CNTLN: variants seen among roughly 807,000 people sequenced by gnomAD.
The protein encoded by CNTLN is centlein, centrosomal protein.
A neutral mutation model predicts 180.0 loss-of-function variants in CNTLN; 212 were observed. The ratio of observed to expected loss-of-function variants is 1.18; its 90% confidence interval spans 1.05 to 1.32. CNTLN has a LOEUF of 1.32. Ranked by LOEUF, CNTLN falls within the 40% of genes most tolerant of loss-of-function variation. CNTLN has a pLI of 0.00. For synonymous variants in CNTLN, 722 were observed against 563.1 expected (o/e 1.28, Z -3.99); for missense variants, 2,095 against 1,610.9 (o/e 1.30, Z -5.14).
At position 17,466,908 on chromosome 9, in the gene CNTLN, GT is replaced by G; in HGVS notation, c.3855+20del. The G allele has an allele frequency of 6.3e-7, 1 of 1,594,870 alleles. No individual in the cohort carries two copies. Among genetic ancestry groups the G allele is most frequent in the Non-Finnish European group, 8.6e-7 (1 of 1,166,358 alleles). ...TTTGTGAAGGTTTGAATTACTTGTC[GT>G]TTACTAACTTGTACTTTACTTTAGG... On this transcript the variant is annotated intron_variant, in intron 23 of 25. Coordinates refer to ENST00000380647, the MANE Select transcript of CNTLN (RefSeq NM_017738.4).
At chr9:17,486,518 T>A (rs1832897299) in intron 24 of CNTLN, among the ~76,000 whole-genome samples, 1 of 152,142 alleles carries the variant, frequency 6.6e-6, no homozygotes, top group Non-Finnish European at 1.5e-5. Context: ...ATTGGATAGT[T>A]TGAATCAACA....
At chr9:17,162,228 C>T (rs1819731189) in intron 2 of CNTLN, among the ~76,000 whole-genome samples, 1 of 152,130 alleles carries the variant, frequency 6.6e-6, no homozygotes, top group South Asian at 2.1e-4. Context: ...CATTCTCCTG[C>T]CTCAGCCTCC....
chr9:17,450,385 G>T (rs985307633), intron 18 of CNTLN, among the ~76,000 whole-genome samples: 5 of 152,204 alleles, frequency 3.3e-5, no homozygotes, highest in African/African-American at 1.2e-4. Flanking sequence ...ACATGAGATT[G>T]TTTAAAAAAG....
In CNTLN at chr9:17,273,904, TG is replaced by T. The variant is rs745307857; in HGVS notation, c.983+39del. On this transcript the variant is annotated intron_variant, in intron 6 of 25. Transcript: ENST00000380647. ...AATTTTTAATTTAACATCATAGAAA[TG>T]TCATTAGTTATTCAGAATGATACCA... 19 of 1,411,400 alleles carry T rather than the reference TG, an allele frequency of 1.3e-5. No individual in the cohort carries two copies. The South Asian group carries it at 2.6e-4, about 19-fold the overall frequency. 87.4% of individuals were successfully genotyped at this position (1,411,400 alleles called of 1,614,324 possible). A position where few individuals can be genotyped will look rare whatever the true frequency, so the allele number is the denominator to read the frequency against.
chr9:17,234,525 C>A (rs1825016619), intron 3 of CNTLN, among the ~76,000 whole-genome samples: 1 of 152,098 alleles, frequency 6.6e-6, no homozygotes, highest in Non-Finnish European at 1.5e-5. Context: ...TCATCATAAT[C>A]CTGGATCTTC....
chr9:17,297,429 T>G (rs1407714060), intron 6 of CNTLN, among the ~76,000 whole-genome samples: 1 of 152,224 alleles, frequency 6.6e-6, no homozygotes, highest in Non-Finnish European at 1.5e-5. Flanking sequence ...CGGTTCAAAT[T>G]AATTATACAA....
At chr9:17,319,556 C>T (rs1217011460) in intron 8 of CNTLN, among the ~76,000 whole-genome samples, 4 of 152,040 alleles carry the variant, frequency 2.6e-5, no homozygotes, top group Non-Finnish European at 2.9e-5. Flanking sequence ...AACATAGATT[C>T]TAGAGTCTGA....
chr9:17,380,703 T>C (rs1424610490), intron 13 of CNTLN, among the ~76,000 whole-genome samples: 5 of 152,236 alleles, frequency 3.3e-5, no homozygotes, highest in African/African-American at 4.8e-5. Flanking sequence ...CACAAACCAT[T>C]TCTTACCATG....
At chr9:17,348,859 C>G (rs1822136704) in intron 12 of CNTLN, among the ~76,000 whole-genome samples, 1 of 152,062 alleles carries the variant, frequency 6.6e-6, no homozygotes. Flanking sequence ...CGGAGCATGG[C>G]TGCTTTTTGT....
intron 6 of CNTLN, among the ~76,000 whole-genome samples, chr9:17,295,774 C>T (rs1420870782): frequency 6.6e-6 from 1 of 152,090 alleles, no homozygotes. Context: ...CATATCATCA[C>T]TTGTACTTTC....
chr9:17,214,075 G>T (rs1044752184), intron 2 of CNTLN, among the ~76,000 whole-genome samples: 6 of 152,232 alleles, frequency 3.9e-5, no homozygotes, highest in African/African-American at 1.4e-4. Context: ...ATATTGTTAT[G>T]TGTGAATTTG....
At chr9:17,209,994 G>A (rs534043535) in intron 2 of CNTLN, among the ~76,000 whole-genome samples, 1 of 152,228 alleles carries the variant, frequency 6.6e-6, no homozygotes, top group Non-Finnish European at 1.5e-5. Flanking sequence ...GAGAAAATTT[G>A]TACATCTTTC....
intron 5 of CNTLN, among the ~76,000 whole-genome samples, chr9:17,268,228 T>G (rs981021315): frequency 2.0e-5 from 3 of 152,132 alleles, no homozygotes; most frequent in Non-Finnish European, 2.9e-5. Flanking sequence ...TGGATGTGCT[T>G]TTTGTTTGTT....
chr9:17,140,798 GT>G (rs1486825737), intron 1 of CNTLN, among the ~76,000 whole-genome samples: 1 of 152,066 alleles, frequency 6.6e-6, no homozygotes, highest in Non-Finnish European at 1.5e-5. Context: ...AAAACATTAT[GT>G]TGTATGCCAT....
At chr9:17,142,257 T>G (rs545536785) in intron 1 of CNTLN, among the ~76,000 whole-genome samples, 28 of 152,088 alleles carry the variant, frequency 1.8e-4, no homozygotes, top group Non-Finnish European at 1.0e-4. Context: ...ATTTTGCAAT[T>G]TTTTTTAGCT....
At chr9:17,212,084 A>C (rs1207573890) in intron 2 of CNTLN, among the ~76,000 whole-genome samples, 2 of 152,180 alleles carry the variant, frequency 1.3e-5, no homozygotes, top group Non-Finnish European at 2.9e-5. Flanking sequence ...AGAATTTCCA[A>C]GACTATGTTG....
chr9:17,298,557 C>A, intron 7 of CNTLN: 1 of 1,218,402 alleles, frequency 8.2e-7, no homozygotes, highest in African/African-American at 1.6e-5. Flanking sequence ...AGCTGAATCA[C>A]TTAAAATATA....
At chr9:17,426,215 C>A (rs1829074960) in intron 18 of CNTLN, among the ~76,000 whole-genome samples, 1 of 152,112 alleles carries the variant, frequency 6.6e-6, no homozygotes. Flanking sequence ...TAACTATAAA[C>A]CTGCACAATC....
intron 12 of CNTLN, among the ~76,000 whole-genome samples, chr9:17,345,823 G>T (rs575045409): frequency 5.9e-5 from 9 of 152,166 alleles, no homozygotes; most frequent in African/African-American, 2.2e-4. Context: ...AATAATTTAT[G>T]TATGGGTAAA....
Sources: allele counts gnomAD v4.1 joint callset (sites outside exome capture counted in the v4.1 genomes callset), GRCh38; gene constraint gnomAD v4.1.1; transcripts MANE v1.5; gene names NCBI Gene and HGNC (gene_info 2026-07-23, HGNC 2026-07-21).